NCKAP1L: variants seen among roughly 807,000 people sequenced by gnomAD.
NCKAP1L encodes the protein nck-associated protein 1-like.
In NCKAP1L, 53 loss-of-function variants were observed where a neutral mutation model predicts 139.2. That is an observed-to-expected ratio of 0.38 (90% CI 0.31 to 0.48). NCKAP1L has a LOEUF of 0.48. Among genes scored for constraint, NCKAP1L ranks in the 20% least tolerant of loss-of-function variants. The pLI, the probability that NCKAP1L is intolerant of heterozygous loss-of-function variation, is 0.98. For synonymous variants in NCKAP1L, 468 were observed against 499.7 expected (o/e 0.94, Z 0.85); for missense variants, 1,151 against 1,381.9 (o/e 0.83, Z 2.65).
chr12:54,523,180 G>C (rs1421557565), intron 18 of NCKAP1L, among the ~76,000 whole-genome samples: 1 of 152,154 alleles, frequency 6.6e-6, no homozygotes, highest in Non-Finnish European at 1.5e-5. Context: ...TTGAGACTTA[G>C]AGCCTGTACA....
Position 54,514,070 on chromosome 12 carries a change from A to T in NCKAP1L, c.941+1965A>T, listed in dbSNP as rs1177815048. Among the ~76,000 whole-genome samples the T allele has an allele frequency of 2.0e-5, 3 of 151,538 alleles. No individual in the cohort carries two copies. In the East Asian group the frequency reaches 5.8e-4, roughly 29 times the overall value. On this transcript the variant is annotated intron_variant, in intron 9 of 30. Transcript: ENST00000293373. ...AATTTTTAAAAAGCAATGGAGCCACACTCTATATTATGTTCTATGGTTTGC... is the reference window on the plus strand; with the variant it reads ...AATTTTTAAAAAGCAATGGAGCCACTCTCTATATTATGTTCTATGGTTTGC...
chr12:54,525,578 C>T (rs1383974000), intron 20 of NCKAP1L, among the ~76,000 whole-genome samples: 1 of 152,140 alleles, frequency 6.6e-6, no homozygotes, highest in Non-Finnish European at 1.5e-5. Context: ...TCATTGTTCC[C>T]AAAGCCCTAA....
At chr12:54,504,440 T>C (rs1956825808) in intron 3 of NCKAP1L, among the ~76,000 whole-genome samples, 1 of 152,026 alleles carries the variant, frequency 6.6e-6, no homozygotes. Context: ...AGCAAGAGGG[T>C]AGGTGCTGGT....
At chr12:54,531,378 T>TG (rs1957069146) in intron 23 of NCKAP1L, 21 bp downstream of exon 23, 5 of 1,612,546 alleles carry the variant, frequency 3.1e-6, no homozygotes, top group Non-Finnish European at 4.2e-6. Flanking sequence ...AACAATCCCT[T>TG]GGGGAAAAGA....
Position 54,519,230 on chromosome 12 carries a change from AC to A in NCKAP1L, c.1526del (p.Pro509LeufsTer3). 1 of 1,582,448 alleles carries A rather than the reference AC, an allele frequency of 6.3e-7. No homozygotes were observed. The highest frequency in any genetic ancestry group is 8.5e-7 in the Non-Finnish European group (1 of 1,170,962). ...VAKAPLHLHE[N>X]PDLAKVMNLI... is the part of the protein sequence containing the mutation. The stretch of plus-strand genomic sequence containing the variant: ...AAGGCCCCTCTGCACCTGCATGAGA[AC>A]CCTGACTTAGCCAAGGTGATGAACC... On this transcript the variant is annotated frameshift_variant, in exon 16 of 31. Coordinates refer to ENST00000293373, the MANE Select transcript of NCKAP1L (RefSeq NM_005337.5). LOFTEE classifies it high-confidence loss of function.
In NCKAP1L at chr12:54,498,711, T is replaced by A. The variant is rs534697758; in HGVS notation, c.103-644T>A. On this transcript the variant is annotated intron_variant, in intron 1 of 30. Coordinates refer to ENST00000293373, the MANE Select transcript of NCKAP1L (RefSeq NM_005337.5). Reference sequence around the variant, plus strand: ...TTGTGACACTGAATCTTGTACAAAGTCTAACTCCTGAGCAGCTGCTTTTCT... The same window carrying A: ...TTGTGACACTGAATCTTGTACAAAGACTAACTCCTGAGCAGCTGCTTTTCT... 6.0e-6 allele frequency: 5 copies of A among 836,868 alleles called. No homozygotes were observed. The African/African-American group carries it at 9.2e-5, about 15-fold the overall frequency. 51.8% of individuals were successfully genotyped at this position (836,868 alleles called of 1,614,324 possible). A position where few individuals can be genotyped will look rare whatever the true frequency, so the allele number is the denominator to read the frequency against.
Position 54,509,760 on chromosome 12 carries a change from G to A in NCKAP1L, c.597+1G>A, listed in dbSNP as rs1319323136. 6.2e-7 allele frequency: 1 copy of A among 1,614,148 alleles called. No homozygotes were observed. On this transcript the variant is annotated splice_donor_variant, in intron 6 of 30. Coordinates refer to ENST00000293373, the MANE Select transcript of NCKAP1L (RefSeq NM_005337.5). LOFTEE classifies it high-confidence loss of function. ...AGAAGAGTTTGGGCCTCACACAAAGGCAAGTTCCCTGACAATGGAGAATTC... is the reference window on the plus strand; with the variant it reads ...AGAAGAGTTTGGGCCTCACACAAAGACAAGTTCCCTGACAATGGAGAATTC...
chr12:54,509,755 C>T lies in NCKAP1L; in HGVS notation c.593C>T (p.Thr198Ile). ...KKLTEEFGPH[T>I]KAVSGALLSL... ...CTGACAGAAGAGTTTGGGCCTCACA[C>T]AAAGGCAAGTTCCCTGACAATGGAG... The change falls in exon 6 of 31, where the codon ACA (threonine) becomes ATA (isoleucine). Residue 198 changes from threonine to isoleucine, a missense_variant. Thr to Ile is a moderately conservative substitution (Grantham distance 89, BLOSUM62 -1). Coordinates refer to ENST00000293373, the MANE Select transcript of NCKAP1L (RefSeq NM_005337.5). 1.9e-6 allele frequency: 3 copies of T among 1,614,186 alleles called. No individual in the cohort carries two copies. The highest frequency in any genetic ancestry group is 2.5e-6 in the Non-Finnish European group (3 of 1,180,002).
At chr12:54,508,576 G>A in intron 5 of NCKAP1L, 45 bp downstream of exon 5, 1 of 1,596,020 alleles carries the variant, frequency 6.3e-7, no homozygotes, top group Non-Finnish European at 8.6e-7. Context: ...CATACATGGT[G>A]CTATGATGTA....
intron 28 of NCKAP1L, 126 bp downstream of exon 28, chr12:54,536,371 A>C (rs942016915): frequency 2.8e-6 from 2 of 724,488 alleles, no homozygotes; most frequent in Admixed American, 4.5e-5. Flanking sequence ...TTCAAAAAGC[A>C]CTTGAAGGCT....
intron 3 of NCKAP1L, among the ~76,000 whole-genome samples, chr12:54,503,980 C>A (rs1214444971): frequency 2.6e-5 from 4 of 151,982 alleles, no homozygotes; most frequent in African/African-American, 9.7e-5. Context: ...AGAAAATGTT[C>A]ATCATATGTT....
intron 11 of NCKAP1L, 66 bp from the exon 12 acceptor site, chr12:54,517,467 T>A: frequency 9.7e-7 from 1 of 1,032,958 alleles, no homozygotes; most frequent in Non-Finnish European, 1.5e-6. Flanking sequence ...ATCATGGTAG[T>A]TTACTCTGTG....
chr12:54,502,528 A>G (rs986244163), intron 3 of NCKAP1L, among the ~76,000 whole-genome samples: 3 of 152,082 alleles, frequency 2.0e-5, no homozygotes, highest in African/African-American at 7.2e-5. Context: ...TTAATGAACT[A>G]TTTGAGTTAG....
chr12:54,508,354 T>A, intron 4 of NCKAP1L, 35 bp from the exon 5 acceptor site: 1 of 1,612,306 alleles, frequency 6.2e-7, no homozygotes, highest in Non-Finnish European at 8.5e-7. Context: ...TAATTGGCCA[T>A]GCTGTCCTTG....
chr12:54,506,797 A>ATATATATATT, intron 3 of NCKAP1L, among the ~76,000 whole-genome samples: 1 of 11,258 alleles, frequency 8.9e-5, no homozygotes, highest in African/African-American at 3.5e-4. Flanking sequence ...AAAAAAAAAA[A>ATATATATATT]TATATATATA....
chr12:54,498,957 G>T (rs1002974694), intron 1 of NCKAP1L: 8 of 231,430 alleles, frequency 3.5e-5, no homozygotes, highest in Admixed American at 1.2e-4. Flanking sequence ...TCGGAGTCTC[G>T]CTCTGTCGCC....
At chr12:54,537,120 G>C (rs942659911) in intron 29 of NCKAP1L, 67 bp downstream of exon 29, 34 of 1,088,104 alleles carry the variant, frequency 3.1e-5, no homozygotes, top group Non-Finnish European at 4.7e-5. Flanking sequence ...ACTTAAATCT[G>C]TAGACAATTA....
intron 22 of NCKAP1L, among the ~76,000 whole-genome samples, chr12:54,528,685 G>A (rs972048029): frequency 6.6e-6 from 1 of 151,650 alleles, no homozygotes; most frequent in Non-Finnish European, 1.5e-5. Context: ...GAGTGCAGCG[G>A]CACTATCTTG....
chr12:54,510,329 T>C, intron 7 of NCKAP1L: 1 of 441,124 alleles, frequency 2.3e-6, no homozygotes, highest in Middle Eastern at 7.2e-4. Context: ...AATTAACTTA[T>C]TTTTATTTTT....
Sources: allele counts gnomAD v4.1 joint callset (sites outside exome capture counted in the v4.1 genomes callset), GRCh38; gene constraint gnomAD v4.1.1; transcripts MANE v1.5; gene names NCBI Gene and HGNC (gene_info 2026-07-23, HGNC 2026-07-21).